The following UBP1 variants were observed in gnomAD, a reference collection of about 807,000 sequenced individuals.
The protein encoded by UBP1 is upstream-binding protein 1.
UBP1 carries 22 observed loss-of-function variants against 76.1 expected under a neutral mutation model. The observed-to-expected ratio is 0.29, with a 90% CI of 0.21 to 0.41. The LOEUF is 0.41. Among genes scored for constraint, UBP1 ranks in the 10% least tolerant of loss-of-function variants. The probability of loss-of-function intolerance (pLI) is 1.00; values close to 1 mark genes in which losing one functional copy is unlikely to be tolerated. For missense variants in UBP1, 436 were observed against 668.1 expected, an observed-to-expected ratio of 0.65 and a Z score of 3.83; for synonymous variants, 224 against 237.1, an observed-to-expected ratio of 0.94 and a Z score of 0.51.
intron 11 of UBP1, chr3:33,398,455 A>G (rs969216024): frequency 2.6e-5 from 4 of 152,204 alleles, no homozygotes; most frequent in African/African-American, 4.8e-5. Context: ...AGTACTGTGT[A>G]TGTGTGTGCA....
At position 33,433,016 on chromosome 3, in the gene UBP1, AG is replaced by A. The variant is rs569233986; in HGVS notation, c.113+6719del. 1.2e-3 allele frequency among the ~76,000 whole-genome samples: 180 copies of A among 152,216 alleles called. 1 individual carries two copies. The highest frequency in any genetic ancestry group is 4.2e-3 in the African/African-American group (174 of 41,552). ...AATGAGTAATAACTAGTTTTGTCATAGTTCATATCAAGGCAACAATTTCACA... is the reference window on the plus strand; with the variant it reads ...AATGAGTAATAACTAGTTTTGTCATATTCATATCAAGGCAACAATTTCACA... On this transcript the variant is annotated intron_variant, in intron 1 of 15. Coordinates refer to ENST00000283629, the MANE Select transcript of UBP1 (RefSeq NM_014517.5).
chr3:33,426,469 T>C (rs1398579730), intron 1 of UBP1, among the ~76,000 whole-genome samples: 1 of 152,158 alleles, frequency 6.6e-6, no homozygotes, highest in Admixed American at 6.5e-5. Flanking sequence ...AGTCACCCTT[T>C]TAAAGTCTGA....
Position 33,390,235 on chromosome 3 carries a change from T to C in UBP1, c.*96A>G. On this transcript the variant is annotated 3_prime_UTR_variant, in exon 16 of 16. Coordinates refer to ENST00000283629, the MANE Select transcript of UBP1 (RefSeq NM_014517.5). ...TGTTTTCAATATGAAACATTTCATATGGTAAAATCCAATCCCAAGACTTCT... is the reference window on the plus strand; with the variant it reads ...TGTTTTCAATATGAAACATTTCATACGGTAAAATCCAATCCCAAGACTTCT... The C allele has an allele frequency of 8.0e-7, 1 of 1,247,754 alleles. No homozygotes were observed. 77.3% of individuals were successfully genotyped at this position (1,247,754 alleles called of 1,614,324 possible).
chr3:33,403,085 G>A, intron 8 of UBP1, 181 bp from the exon 9 acceptor site: 9 of 568,546 alleles, frequency 1.6e-5, no homozygotes, highest in South Asian at 1.3e-4. Context: ...AGTTTTACCT[G>A]CTGTGTGCGT....
At chr3:33,403,714 T>C (rs989756902) in intron 8 of UBP1, 1 of 152,220 alleles carries the variant, frequency 6.6e-6, no homozygotes, top group African/African-American at 2.4e-5. Flanking sequence ...GGAGATACAC[T>C]ATTACAATTA....
In UBP1 at chr3:33,439,879, C is replaced by A. The variant is rs751789687; in HGVS notation, c.-31G>T. On this transcript the variant is annotated 5_prime_UTR_variant, in exon 1 of 16. Coordinates refer to ENST00000283629, the MANE Select transcript of UBP1 (RefSeq NM_014517.5). ...GGCCTCGCCGTCGCCCCGCACACCG[C>A]GGCCTCCGCGTCCAGGGCGAAGGAG... The A allele has an allele frequency of 5.0e-6, 8 of 1,607,844 alleles. No individual in the cohort carries two copies. Among genetic ancestry groups the A allele is most frequent in the Non-Finnish European group, 6.8e-6 (8 of 1,177,626 alleles).
chr3:33,407,773 A>C (rs911758706), intron 8 of UBP1, among the ~76,000 whole-genome samples: 4 of 152,232 alleles, frequency 2.6e-5, no homozygotes, highest in African/African-American at 9.6e-5. Flanking sequence ...ATCCTCTGGT[A>C]CTTTAATAGT....
chr3:33,403,755 T>TAAGCATGCC (rs1318460902), intron 8 of UBP1: 7 of 152,224 alleles, frequency 4.6e-5, no homozygotes. Flanking sequence ...AAAAGCATGC[T>TAAGCATGCC]AAGCATGCCA....
rs555031864 is a variant in UBP1 at position 33,413,741 on chromosome 3, G to C, written c.343-914C>G. ...GAGTACCATGTGGGAGACATTTATA[G>C]GGCTCAGTGGCTGCTTTATTCCCAT... On this transcript the variant is annotated intron_variant, in intron 3 of 15. Coordinates refer to ENST00000283629, the MANE Select transcript of UBP1 (RefSeq NM_014517.5). Among the ~76,000 whole-genome samples the C allele has an allele frequency of 2.6e-5, 4 of 152,130 alleles. No individual in the cohort carries two copies. In the South Asian group the frequency reaches 8.3e-4, roughly 32 times the overall value.
chr3:33,425,814 T>C lies in UBP1; in HGVS notation c.114-73A>G, dbSNP rs1244542553. ...TTGTCTACAGCCATATCATCCTGAA[T>C]GCACCCAATCTTGTCTGAAATATTT... On this transcript the variant is annotated intron_variant, in intron 1 of 15. Transcript: ENST00000283629. The C allele has an allele frequency of 2.9e-6, 4 of 1,381,890 alleles. No homozygotes were observed. The African/African-American group carries it at 4.2e-5, about 15-fold the overall frequency. 85.6% of individuals were successfully genotyped at this position (1,381,890 alleles called of 1,614,324 possible).
chr3:33,433,224 C>T (rs2045143336), intron 1 of UBP1, among the ~76,000 whole-genome samples: 1 of 151,354 alleles, frequency 6.6e-6, no homozygotes, highest in Non-Finnish European at 1.5e-5. Flanking sequence ...CCATGCCTGG[C>T]TGATTTTTGT....
chr3:33,402,876 G>A lies in UBP1; in HGVS notation c.956C>T (p.Ala319Val), dbSNP rs1451000859. 1.2e-6 allele frequency: 2 copies of A among 1,610,830 alleles called. No individual in the cohort carries two copies. Among genetic ancestry groups the A allele is most frequent in the Non-Finnish European group, 1.7e-6 (2 of 1,178,820 alleles). The change falls in exon 9 of 16, where the codon GCC becomes GTC. Residue 319 changes from alanine to valine, a missense_variant. This residue lies in a region of UBP1 where 210 missense variants were observed against 272.8 expected (regional missense o/e 0.77). Coordinates refer to ENST00000283629, the MANE Select transcript of UBP1 (RefSeq NM_014517.5). ...SCSPWPDAPT[A>V]YVNNSPSPAP... Reference sequence around the variant, plus strand: ...TGGGGAAGGGCTGTTATTCACATAGGCTGTGGGGGCATCGGGCCACGGAGA... The same window carrying A: ...TGGGGAAGGGCTGTTATTCACATAGACTGTGGGGGCATCGGGCCACGGAGA...
chr3:33,432,157 CA>C (rs1040315174), intron 1 of UBP1, among the ~76,000 whole-genome samples: 2 of 151,942 alleles, frequency 1.3e-5, no homozygotes, highest in Non-Finnish European at 2.9e-5. Context: ...CCCGTCTCTA[CA>C]AAAAATAGCA....
chr3:33,432,872 G>A (rs919872151), intron 1 of UBP1, among the ~76,000 whole-genome samples: 20 of 152,098 alleles, frequency 1.3e-4, no homozygotes, highest in African/African-American at 4.8e-4. Context: ...ATAGTACTCT[G>A]GTTGTATAAG....
chr3:33,405,214 A>T (rs1274310963), intron 8 of UBP1, among the ~76,000 whole-genome samples: 1 of 152,226 alleles, frequency 6.6e-6, no homozygotes, highest in Non-Finnish European at 1.5e-5. Context: ...ATTTTCAGGC[A>T]TAAAACTATG....
intron 1 of UBP1, among the ~76,000 whole-genome samples, chr3:33,426,525 T>C (rs1264215479): frequency 6.6e-6 from 1 of 152,208 alleles, no homozygotes; most frequent in Non-Finnish European, 1.5e-5. Flanking sequence ...ATCTAATTCT[T>C]GAATTCCAAA....
At chr3:33,430,657 G>C (rs1178754576) in intron 1 of UBP1, among the ~76,000 whole-genome samples, 1 of 151,372 alleles carries the variant, frequency 6.6e-6, no homozygotes, top group African/African-American at 2.5e-5. Context: ...TTGCTAGACA[G>C]TCTTGTCAGG....
intron 1 of UBP1, among the ~76,000 whole-genome samples, chr3:33,431,898 T>C (rs934245594): frequency 4.6e-5 from 7 of 152,132 alleles, no homozygotes; most frequent in Admixed American, 6.5e-5. Context: ...GAGAATGTTA[T>C]GGTATAAACT....
chr3:33,422,125 T>C (rs950435864), intron 2 of UBP1, among the ~76,000 whole-genome samples: 1 of 151,386 alleles, frequency 6.6e-6, no homozygotes, highest in Non-Finnish European at 1.5e-5. Flanking sequence ...TCTGGATCTT[T>C]GTTTGTCTTA....
Sources: allele counts gnomAD v4.1 joint callset (sites outside exome capture counted in the v4.1 genomes callset), GRCh38; gene constraint gnomAD v4.1.1; regional missense constraint gnomAD v4.1.1; transcripts MANE v1.5; gene names NCBI Gene and HGNC (gene_info 2026-07-23, HGNC 2026-07-21).